JAK2: variants seen among roughly 807,000 people sequenced by gnomAD.
The protein encoded by JAK2 is tyrosine-protein kinase JAK2.
A neutral mutation model predicts 139.3 loss-of-function variants in JAK2; 86 were observed. The ratio of observed to expected loss-of-function variants is 0.62; its 90% CI spans 0.52 to 0.74. JAK2 has a LOEUF of 0.74. Among genes scored for constraint, JAK2 ranks in the 30% least tolerant of loss-of-function variants. The pLI, the probability that JAK2 is intolerant of heterozygous loss-of-function variation, is 0.00. For missense variants in JAK2, 1,421 were observed against 1,360.3 expected, an observed-to-expected ratio of 1.04 and a Z score of -0.70; for synonymous variants, 490 against 437.7, an observed-to-expected ratio of 1.12 and a Z score of -1.49.
Position 5,127,169 on chromosome 9 carries a change from C to G in JAK2, c.*378C>G, listed in dbSNP as rs1195042789. Reference sequence around the variant, plus strand: ...CAGAATATGTATGTATAGTTTTTACCACAGTGGATGTATAATACCTTGGCA... The same window carrying G: ...CAGAATATGTATGTATAGTTTTTACGACAGTGGATGTATAATACCTTGGCA... On this transcript the variant is annotated 3_prime_UTR_variant, in exon 25 of 25. Transcript: ENST00000381652. 4.2e-6 allele frequency: 1 copy of G among 240,816 alleles called. No individual in the cohort carries two copies. The highest frequency in any genetic ancestry group is 6.0e-5 in the East Asian group (1 of 16,738). The allele number at this position is 240,816 out of a possible 1,614,324, so 14.9% of individuals were successfully genotyped here.
rs1817598757 is a variant in JAK2, at chr9:5,054,076, C to T, written c.615-487C>T. Among the ~76,000 whole-genome samples the T allele has an allele frequency of 6.6e-6, 1 of 151,910 alleles. No individual in the cohort carries two copies. Among genetic ancestry groups the T allele is most frequent in the Non-Finnish European group, 1.5e-5 (1 of 67,874 alleles). ...GGAATTATTAGGAGTTGAAGCTGGC[C>T]TAACAAAATAATATACAGAAGTATG... is the stretch of plus-strand genomic sequence containing the variant. On this transcript the variant is annotated intron_variant, in intron 6 of 24. Coordinates refer to ENST00000381652, the MANE Select transcript of JAK2 (RefSeq NM_004972.4). This position sits in a 1 kb window ranked among gnomAD's most constrained non-coding sequence, Gnocchi z 4.9.
intron 6 of JAK2, among the ~76,000 whole-genome samples, chr9:5,052,483 G>A (rs1394063646): frequency 2.6e-5 from 4 of 151,932 alleles, no homozygotes; most frequent in Non-Finnish European, 5.9e-5. Context: ...TTTTAAAAGA[G>A]TTTATTGAGA....
intron 22 of JAK2, chr9:5,111,411 C>T (rs552575620): frequency 5.0e-5 from 20 of 401,958 alleles, no homozygotes; most frequent in South Asian, 7.9e-5. Flanking sequence ...GGCCTGGACA[C>T]GCAGCCCACG....
In JAK2 at chr9:5,129,556, A is replaced by G. The variant is rs1259181890; in HGVS notation, c.*2765A>G. Among the ~76,000 whole-genome samples, 2 of 152,176 alleles carry G rather than the reference A, an allele frequency of 1.3e-5. No homozygotes were observed. The highest frequency in any genetic ancestry group is 1.3e-4 in the Admixed American group (2 of 15,280). ...ACTAAGAATCAGTTTGCTGTATATT[A>G]GAATAAATAGTAACAGTAAGTCAGC... is the stretch of plus-strand genomic sequence containing the variant. On this transcript the variant is annotated 3_prime_UTR_variant, in exon 25 of 25. Coordinates refer to ENST00000381652, the MANE Select transcript of JAK2 (RefSeq NM_004972.4).
At chr9:5,012,580 G>A (rs1206245653) in intron 2 of JAK2, among the ~76,000 whole-genome samples, 2 of 152,016 alleles carry the variant, frequency 1.3e-5, no homozygotes, top group South Asian at 2.1e-4. Context: ...TGGAGATCCC[G>A]AAATTATACC....
At chr9:5,081,351 A>G (rs1192489950) in intron 18 of JAK2, among the ~76,000 whole-genome samples, 1 of 151,616 alleles carries the variant, frequency 6.6e-6, no homozygotes, top group Non-Finnish European at 1.5e-5. Context: ...CATGAGCTGT[A>G]TTTGTTTTGC....
chr9:5,029,360 G>A (rs1587846327), intron 3 of JAK2, among the ~76,000 whole-genome samples: 1 of 152,246 alleles, frequency 6.6e-6, no homozygotes, highest in African/African-American at 2.4e-5. Context: ...CAATTGTAAT[G>A]TCAAAGATCA....
intron 15 of JAK2, 70 bp downstream of exon 15, chr9:5,077,650 C>A: frequency 1.0e-6 from 1 of 991,676 alleles, no homozygotes; most frequent in Non-Finnish European, 1.4e-6. Context: ...ATTATCTTTA[C>A]CTGGAAACAA....
At chr9:5,112,223 C>A (rs2130803431) in intron 22 of JAK2, 2 of 270,710 alleles carry the variant, frequency 7.4e-6, no homozygotes, top group South Asian at 6.8e-5. Context: ...GTGGGGGCAG[C>A]ACGCAGGCCT....
chr9:5,096,153 T>G (rs1187156583), intron 22 of JAK2, among the ~76,000 whole-genome samples: 1 of 152,150 alleles, frequency 6.6e-6, no homozygotes, highest in Non-Finnish European at 1.5e-5. Context: ...CATCCAATAA[T>G]ACGAAAATAA....
At chr9:5,124,360 T>C (rs1334581510) in intron 23 of JAK2, among the ~76,000 whole-genome samples, 1 of 151,832 alleles carries the variant, frequency 6.6e-6, no homozygotes, top group Non-Finnish European at 1.5e-5. Context: ...CATTTAAGTC[T>C]GTAATCGATC....
chr9:5,109,026 AC>A (rs1822215833), intron 22 of JAK2: 2 of 152,032 alleles, frequency 1.3e-5, no homozygotes, highest in African/African-American at 4.8e-5. Context: ...ATCTTGCCTT[AC>A]CCCTACCATT....
intron 8 of JAK2, among the ~76,000 whole-genome samples, chr9:5,060,090 A>G (rs958498924): frequency 3.9e-5 from 6 of 152,228 alleles, no homozygotes; most frequent in Non-Finnish European, 5.9e-5. Flanking sequence ...TTTACACTAT[A>G]ATCAAGTCTA....
At chr9:5,055,533 G>A (rs1027616802) in intron 7 of JAK2, 136 bp from the exon 8 acceptor site, 41 of 629,904 alleles carry the variant, frequency 6.5e-5, no homozygotes, top group Non-Finnish European at 7.5e-5. Context: ...AGTAAATCAC[G>A]TTTAATGCTT....
chr9:4,984,872 G>C (rs1354874149), upstream of JAK2: 1 of 152,294 alleles, frequency 6.6e-6, no homozygotes, highest in African/African-American at 2.4e-5. Flanking sequence ...CCGGGCACCA[G>C]CGTTTCGCGA....
intron 2 of JAK2, among the ~76,000 whole-genome samples, chr9:4,992,414 G>C (rs1820307908): frequency 6.6e-6 from 1 of 152,156 alleles, no homozygotes; most frequent in South Asian, 2.1e-4. Context: ...CAGATTTGAT[G>C]GGGGAGTGGC....
chr9:5,123,188 T>A lies in JAK2; in HGVS notation c.3177+67T>A, dbSNP rs979093450. ...GTTTGATTTTTATAAATTTATGGGG[T>A]ACAAGTACAATTTTGCTACATGCAT... On this transcript the variant is annotated intron_variant, in intron 23 of 24. Coordinates refer to ENST00000381652, the MANE Select transcript of JAK2 (RefSeq NM_004972.4). 91 of 1,091,102 alleles carry A rather than the reference T, an allele frequency of 8.3e-5. 1 individual carries two copies. The highest frequency in any genetic ancestry group is 5.4e-5 in the Non-Finnish European group (40 of 734,474). The allele number at this position is 1,091,102 out of a possible 1,614,324, so 67.6% of individuals were successfully genotyped here.
chr9:5,052,520 A>T (rs1439780297), intron 6 of JAK2, among the ~76,000 whole-genome samples: 1 of 152,118 alleles, frequency 6.6e-6, no homozygotes, highest in Non-Finnish European at 1.5e-5. Flanking sequence ...AATCTCACCC[A>T]TTTAAAATAT....
intron 19 of JAK2, chr9:5,086,159 G>C (rs1296887215): frequency 1.1e-5 from 4 of 355,694 alleles, no homozygotes; most frequent in South Asian, 4.9e-5. Flanking sequence ...CTCGGGGAGC[G>C]GTCTCCACGC....
Sources: allele counts gnomAD v4.1 joint callset (sites outside exome capture counted in the v4.1 genomes callset), GRCh38; gene constraint gnomAD v4.1.1; non-coding constraint Gnocchi (gnomAD v3.1); transcripts MANE v1.5; gene names NCBI Gene and HGNC (gene_info 2026-07-23, HGNC 2026-07-21).